Variants in IQSEC1 observed in about 807,000 individuals in gnomAD.
IQSEC1 encodes IQ motif and Sec7 domain ArfGEF 1.
IQSEC1 carries 31 observed loss-of-function variants against 91.0 expected under a neutral mutation model. The observed-to-expected ratio is 0.34, with a 90% CI of 0.26 to 0.46. IQSEC1 has a LOEUF of 0.46. Ranked by LOEUF, IQSEC1 falls within the 20% of genes least tolerant of loss-of-function variation. The pLI is 1.00. For missense variants in IQSEC1, 1,388 were observed against 1,575.6 expected, an observed-to-expected ratio of 0.88 and a Z score of 2.02; for synonymous variants, 699 against 662.6, an observed-to-expected ratio of 1.05 and a Z score of -0.84.
rs1195618660 is a variant in IQSEC1, at chr3:12,908,896, CAGGG to C, written c.2578+373_2579-372del. On this transcript the variant is annotated intron_variant, in intron 11 of 13. Coordinates refer to ENST00000613206, the MANE Select transcript of IQSEC1 (RefSeq NM_001134382.3). The surrounding 1 kb of genome is among the most constrained non-coding windows in gnomAD (Gnocchi z 4.9). The stretch of plus-strand genomic sequence containing the variant: ...TGCCTCCAAGGAGTAGACCTGGAGC[CAGGG>C]AGTAGACCTGGAGCCAGGGATGGCC... Among the ~76,000 whole-genome samples, 1 of 151,904 alleles carries C rather than the reference CAGGG, an allele frequency of 6.6e-6. No individual in the cohort carries two copies. Among genetic ancestry groups the C allele is most frequent in the East Asian group, 1.9e-4 (1 of 5,178 alleles).
chr3:12,941,238 C>T (rs1698717511), intron 2 of IQSEC1, among the ~76,000 whole-genome samples: 1 of 152,226 alleles, frequency 6.6e-6, no homozygotes, highest in Non-Finnish European at 1.5e-5. Context: ...TGCTCAGACA[C>T]CTATCATGGC....
At chr3:13,202,089 C>T (rs929194257) in intron 1 of IQSEC1, among the ~76,000 whole-genome samples, 13 of 152,194 alleles carry the variant, frequency 8.5e-5, no homozygotes, top group African/African-American at 1.7e-4. Context: ...CATTCTACCA[C>T]GTGCAAAAGT....
intron 1 of IQSEC1, among the ~76,000 whole-genome samples, chr3:13,030,375 T>C (rs1464651345): frequency 1.3e-5 from 2 of 152,228 alleles, no homozygotes; most frequent in East Asian, 1.9e-4. Flanking sequence ...ACCTGGATTA[T>C]AGGCATGAGC....
intron 2 of IQSEC1, among the ~76,000 whole-genome samples, chr3:13,154,554 C>G (rs755403272): frequency 5.9e-4 from 85 of 143,484 alleles, no homozygotes; most frequent in Non-Finnish European, 7.4e-4. Flanking sequence ...GCTTCAATAC[C>G]CTGTTCTCCA....
intron 1 of IQSEC1, among the ~76,000 whole-genome samples, chr3:12,976,163 A>G (rs1049657498): frequency 6.6e-6 from 1 of 152,172 alleles, no homozygotes; most frequent in East Asian, 1.9e-4. Context: ...CCACTCCCAG[A>G]GTGTACACCA....
chr3:13,257,723 G>T (rs575568171), intron 1 of IQSEC1, among the ~76,000 whole-genome samples: 1 of 152,280 alleles, frequency 6.6e-6, no homozygotes, highest in South Asian at 2.1e-4. Flanking sequence ...AGAAGCCCAG[G>T]AATTAAAAAC....
chr3:12,904,909 C>T (rs1694807336), intron 12 of IQSEC1, among the ~76,000 whole-genome samples: 1 of 152,228 alleles, frequency 6.6e-6, no homozygotes, highest in South Asian at 2.1e-4. Context: ...CCCTGCCCAA[C>T]TTGGGTGAAC....
intron 2 of IQSEC1, among the ~76,000 whole-genome samples, chr3:13,084,236 G>A (rs146111246): frequency 2.4e-4 from 37 of 152,236 alleles, no homozygotes; most frequent in African/African-American, 7.0e-4. Flanking sequence ...TAAGTAAGGC[G>A]TGGGGCACAC....
At chr3:13,252,907 T>C (rs1415956313) in intron 1 of IQSEC1, among the ~76,000 whole-genome samples, 1 of 152,112 alleles carries the variant, frequency 6.6e-6, no homozygotes, top group Non-Finnish European at 1.5e-5. Flanking sequence ...CAATTTTTTA[T>C]ATTTTTAGTA....
intron 3 of IQSEC1, among the ~76,000 whole-genome samples, chr3:12,934,032 G>A (rs547659921): frequency 6.6e-5 from 10 of 152,324 alleles, no homozygotes; most frequent in South Asian, 6.2e-4. Flanking sequence ...GGCCTGGGTC[G>A]AGAGATGATC....
intron 2 of IQSEC1, among the ~76,000 whole-genome samples, chr3:13,151,211 C>G (rs1265662313): frequency 3.9e-5 from 6 of 152,212 alleles, no homozygotes; most frequent in Non-Finnish European, 1.5e-5. Flanking sequence ...CACATGCCCA[C>G]CTAACGTCAG....
intron 1 of IQSEC1, among the ~76,000 whole-genome samples, chr3:13,181,717 A>T (rs1693847864): frequency 6.6e-6 from 1 of 152,246 alleles, no homozygotes; most frequent in Admixed American, 6.5e-5. Context: ...AGGAAACCCA[A>T]ATACCCAGCA....
intron 1 of IQSEC1, among the ~76,000 whole-genome samples, chr3:13,239,088 G>T (rs992309093): frequency 1.1e-4 from 17 of 152,202 alleles, no homozygotes; most frequent in Non-Finnish European, 2.2e-4. Context: ...TGCTGGGGTG[G>T]AGGACAACAC....
At chr3:12,958,896 C>T (rs1442098516) in intron 1 of IQSEC1, among the ~76,000 whole-genome samples, 2 of 152,214 alleles carry the variant, frequency 1.3e-5, no homozygotes, top group Non-Finnish European at 2.9e-5. Context: ...TGGGGTGGCA[C>T]AGCACCGGGT....
At chr3:13,110,959 C>T (rs1253579051) in intron 2 of IQSEC1, among the ~76,000 whole-genome samples, 1 of 152,166 alleles carries the variant, frequency 6.6e-6, no homozygotes, top group Non-Finnish European at 1.5e-5. Context: ...AGCTGTCACC[C>T]CCATAAGAAA....
At chr3:13,192,269 C>T (rs1345405971) in intron 1 of IQSEC1, among the ~76,000 whole-genome samples, 3 of 149,500 alleles carry the variant, frequency 2.0e-5, no homozygotes, top group African/African-American at 7.4e-5. Context: ...CCCCGGGAGG[C>T]GGAGCTTGCA....
At chr3:13,192,337 CAAAAA>C (rs540610255) in intron 1 of IQSEC1, among the ~76,000 whole-genome samples, 1 of 94,984 alleles carries the variant, frequency 1.1e-5, no homozygotes, top group African/African-American at 3.3e-5. Context: ...GACTCTGTCT[CAAAAA>C]AAAAAAAAAA....
rs771671202 is a variant in IQSEC1 at position 12,901,495 on chromosome 3, G to C, written c.2833C>G (p.Arg945Gly). The stretch of plus-strand genomic sequence containing the variant: ...TCTCGTGTTGATGTAGCTCTCCGGC[G>C]CATGTGAGGACTGCTAATGATGGAC... Reference protein sequence around the residue: ...EGSIISSPHMRRRATSTRECP... With the variant: ...EGSIISSPHMGRRATSTRECP... The change falls in exon 14 of 14, where the codon CGC becomes GGC. Residue 945 changes from arginine (R) to glycine (G), a missense_variant. By Grantham distance (125) the Arg-to-Gly change is moderately radical (BLOSUM62 -2). Coordinates refer to ENST00000613206, the MANE Select transcript of IQSEC1 (RefSeq NM_001134382.3). 1.9e-6 allele frequency: 3 copies of C among 1,549,850 alleles called. No homozygotes were observed. The highest frequency in any genetic ancestry group is 2.7e-5 in the African/African-American group (2 of 73,010).
intron 1 of IQSEC1, among the ~76,000 whole-genome samples, chr3:13,204,799 T>A (rs977071380): frequency 3.4e-5 from 5 of 148,772 alleles, no homozygotes; most frequent in African/African-American, 9.9e-5. Flanking sequence ...CTTTCTATCT[T>A]TCTTTCTTTT....
Sources: gnomAD v4.1 joint callset for allele counts (sites outside exome capture counted in the v4.1 genomes callset) on GRCh38, gnomAD v4.1.1 for gene constraint, Gnocchi (gnomAD v3.1) non-coding constraint, MANE v1.5 for transcripts, NCBI Gene and HGNC (gene_info 2026-07-23, HGNC 2026-07-21) for gene names.